Variants in WDPCP observed in about 807,000 individuals in gnomAD.
The protein encoded by WDPCP is WD repeat-containing and planar cell polarity effector protein fritz homolog.
Under a neutral mutation model 93.1 loss-of-function variants are expected in WDPCP, and 71 were observed. The observed-to-expected ratio is 0.76, with a 90% CI of 0.63 to 0.93. The LOEUF (loss-of-function observed/expected upper bound fraction) is 0.93, where lower values mean the gene tolerates loss of function less well. Ranked by LOEUF, WDPCP falls within the 40% of genes least tolerant of loss-of-function variation. The probability of loss-of-function intolerance (pLI) is 0.00; values close to 1 mark genes in which losing one functional copy is unlikely to be tolerated. For missense variants in WDPCP, 844 were observed against 887.4 expected (o/e 0.95, Z 0.62); for synonymous variants, 315 against 315.0 (o/e 1.00, Z 0.00).
intron 1 of WDPCP, among the ~76,000 whole-genome samples, chr2:63,548,811 T>G (rs1705346914): frequency 6.6e-6 from 1 of 152,054 alleles, no homozygotes; most frequent in African/African-American, 2.4e-5. Context: ...ATTTTCTAAC[T>G]AATTCAGCTA....
chr2:63,249,104 G>A (rs1680514237), intron 14 of WDPCP, among the ~76,000 whole-genome samples: 2 of 151,866 alleles, frequency 1.3e-5, no homozygotes, highest in Admixed American at 6.6e-5. Flanking sequence ...CTTGTGGGGT[G>A]TGTGTGTGTG....
At chr2:63,626,291 G>A (rs1709809749) in intron 3 of WDPCP, among the ~76,000 whole-genome samples, 1 of 152,174 alleles carries the variant, frequency 6.6e-6, no homozygotes, top group African/African-American at 2.4e-5. Context: ...AAGACTTCAT[G>A]ACCAAAATAC....
At chr2:63,484,825 G>T (rs1473034004) in intron 5 of WDPCP, 92 bp downstream of exon 5, 2 of 1,501,094 alleles carry the variant, frequency 1.3e-6, no homozygotes, top group South Asian at 1.2e-5. Context: ...TCATCACCAT[G>T]AGAGTTGATC....
At chr2:63,588,727 T>C (rs952307442), upstream of WDPCP, 4 of 477,492 alleles carry the variant, frequency 8.4e-6, no homozygotes, top group Non-Finnish European at 1.5e-5. Flanking sequence ...GCCCAAACCA[T>C]CCGTTTGTTG....
intron 1 of WDPCP, among the ~76,000 whole-genome samples, chr2:63,547,202 T>A (rs1304604515): frequency 6.6e-6 from 1 of 151,922 alleles, no homozygotes; most frequent in Admixed American, 6.6e-5. Flanking sequence ...CACAGAGACA[T>A]CATCCTATCC....
chr2:63,225,970 T>A (rs1175880094), intron 14 of WDPCP, among the ~76,000 whole-genome samples: 1 of 151,912 alleles, frequency 6.6e-6, no homozygotes, highest in Non-Finnish European at 1.5e-5. Flanking sequence ...GCCAATTATA[T>A]GTGTGTGTTC....
chr2:63,525,860 A>C (rs1452335637), intron 1 of WDPCP, among the ~76,000 whole-genome samples: 1 of 152,184 alleles, frequency 6.6e-6, no homozygotes, highest in Non-Finnish European at 1.5e-5. Context: ...CTCCTGGGCA[A>C]GGCTGCCTTT....
intron 3 of WDPCP, chr2:63,622,113 A>G: frequency 1.5e-6 from 2 of 1,349,182 alleles, no homozygotes; most frequent in Non-Finnish European, 2.0e-6. Flanking sequence ...ATAAAGTACA[A>G]TGGAGGGAGG....
chr2:63,207,966 A>T (rs183258941), intron 14 of WDPCP, among the ~76,000 whole-genome samples: 1 of 151,974 alleles, frequency 6.6e-6, no homozygotes, highest in Admixed American at 6.6e-5. Flanking sequence ...TCTAGTTATC[A>T]TAAGCAATTG....
chr2:63,694,533 G>A (rs544710831), intron 2 of WDPCP, among the ~76,000 whole-genome samples: 4 of 152,154 alleles, frequency 2.6e-5, no homozygotes, highest in African/African-American at 9.6e-5. Context: ...CAATTTAGGA[G>A]CCTTTTCAAG....
chr2:63,313,886 A>ATATATTT lies in WDPCP; in HGVS notation c.1749-576_1749-575insAAATATA. On this transcript the variant is annotated intron_variant, in intron 12 of 17. Coordinates refer to ENST00000272321, the MANE Select transcript of WDPCP (RefSeq NM_015910.7). Reference sequence around the variant, plus strand: ...TATATATATATATATATATATATATATTTTTTTTTTTTTGGAGATGGAGTC... The same window carrying ATATATTT: ...TATATATATATATATATATATATATATATATTTTTTTTTTTTTTTTGGAGATGGAGTC... Among the ~76,000 whole-genome samples the ATATATTT allele has an allele frequency of 6.6e-4, 49 of 74,466 alleles. 1 individual carries two copies. Among genetic ancestry groups the ATATATTT allele is most frequent in the Non-Finnish European group, 1.0e-3 (39 of 38,612 alleles). The allele number at this position is 74,466 out of a possible 152,430, so 48.9% of individuals were successfully genotyped here.
intron 14 of WDPCP, among the ~76,000 whole-genome samples, chr2:63,180,538 G>C (rs1038035534): frequency 4.6e-5 from 7 of 152,130 alleles, no homozygotes; most frequent in African/African-American, 1.7e-4. Context: ...TGGCTGAGTA[G>C]TATTCCATTG....
intron 1 of WDPCP, among the ~76,000 whole-genome samples, chr2:63,531,346 C>G (rs935492970): frequency 2.0e-5 from 3 of 152,200 alleles, no homozygotes; most frequent in African/African-American, 7.2e-5. Context: ...CAGTGGTTCT[C>G]CCAGCATGGA....
intron 13 of WDPCP, among the ~76,000 whole-genome samples, chr2:63,260,428 C>T (rs894146381): frequency 1.3e-5 from 2 of 152,114 alleles, no homozygotes; most frequent in Non-Finnish European, 2.9e-5. Context: ...CAAATAAATG[C>T]AAGCTGAAAA....
At chr2:63,787,778 G>T (rs1476265206) in intron 2 of WDPCP, among the ~76,000 whole-genome samples, 1 of 152,100 alleles carries the variant, frequency 6.6e-6, no homozygotes, top group African/African-American at 2.4e-5. Context: ...AGTAGCTCAT[G>T]TCTCTAATCC....
At chr2:63,469,230 G>A (rs767499018) in intron 6 of WDPCP, among the ~76,000 whole-genome samples, 1 of 152,208 alleles carries the variant, frequency 6.6e-6, no homozygotes, top group Non-Finnish European at 1.5e-5. Context: ...GAAAAGGAAT[G>A]CTTATACACT....
intron 14 of WDPCP, among the ~76,000 whole-genome samples, chr2:63,234,905 A>T (rs967817818): frequency 1.3e-5 from 2 of 152,162 alleles, no homozygotes; most frequent in Non-Finnish European, 2.9e-5. Context: ...GATGAAAAGT[A>T]CTCCATAAAT....
chr2:63,816,614 G>C (rs1670936207), intron 1 of WDPCP, among the ~76,000 whole-genome samples: 1 of 152,198 alleles, frequency 6.6e-6, no homozygotes, highest in Admixed American at 6.5e-5. Context: ...TCTTCAGAGG[G>C]AGCACAGCCC....
intron 13 of WDPCP, among the ~76,000 whole-genome samples, chr2:63,306,040 T>C (rs1685711318): frequency 6.6e-6 from 1 of 151,884 alleles, no homozygotes; most frequent in Non-Finnish European, 1.5e-5. Context: ...ATAGACACAA[T>C]AAAAAATGAT....
Sources: gnomAD v4.1 joint callset for allele counts (sites outside exome capture counted in the v4.1 genomes callset) on GRCh38, gnomAD v4.1.1 for gene constraint, MANE v1.5 for transcripts, NCBI Gene and HGNC (gene_info 2026-07-23, HGNC 2026-07-21) for gene names.